UGT1A8: variants seen among roughly 807,000 people sequenced by gnomAD.
The protein encoded by UGT1A8 is UDP glucuronosyltransferase family 1 member A8.
A neutral mutation model predicts 45.3 loss-of-function variants in UGT1A8; 39 were observed. That is an observed-to-expected ratio of 0.86 (90% CI 0.67 to 1.12). The LOEUF (loss-of-function observed/expected upper bound fraction) is 1.12, where lower values mean the gene tolerates loss of function less well. Ranked by LOEUF, UGT1A8 falls within the 50% of genes most tolerant of loss-of-function variation. The pLI, the probability that UGT1A8 is intolerant of heterozygous loss-of-function variation, is 0.00. For synonymous variants in UGT1A8, 275 were observed against 249.2 expected (o/e 1.10, Z -0.97); for missense variants, 719 against 664.9 (o/e 1.08, Z -0.90).
intron 1 of UGT1A8, among the ~76,000 whole-genome samples, chr2:233,630,808 A>G (rs2073172688): frequency 1.3e-5 from 2 of 149,262 alleles, no homozygotes; most frequent in Non-Finnish European, 3.0e-5. Context: ...ATGGTAGCAC[A>G]TACTTTTTTT....
chr2:233,618,675 T>C, intron 1 of UGT1A8, 113 bp downstream of exon 1: 1 of 1,510,520 alleles, frequency 6.6e-7, no homozygotes, highest in Non-Finnish European at 8.8e-7. Context: ...CAAATTTCTT[T>C]CCAGTTTAAC....
At chr2:233,642,511 G>A (rs999080122) in intron 1 of UGT1A8, among the ~76,000 whole-genome samples, 3 of 152,180 alleles carry the variant, frequency 2.0e-5, no homozygotes, top group Non-Finnish European at 4.4e-5. Context: ...TCCAGCGTTA[G>A]TCCCTGGCAC....
intron 1 of UGT1A8, among the ~76,000 whole-genome samples, chr2:233,754,056 T>C (rs963446161): frequency 1.3e-5 from 2 of 152,238 alleles, no homozygotes; most frequent in Non-Finnish European, 2.9e-5. Context: ...TTTACCTGCT[T>C]TTATAAAGCC....
At chr2:233,724,564 C>T (rs1389770711) in intron 1 of UGT1A8, among the ~76,000 whole-genome samples, 17 of 122,772 alleles carry the variant, frequency 1.4e-4, no homozygotes, top group African/African-American at 2.4e-4. Flanking sequence ...CCAGATGGGG[C>T]GGCGGGGCAG....
chr2:233,660,080 G>T (rs1250853298), intron 1 of UGT1A8, among the ~76,000 whole-genome samples: 1 of 152,102 alleles, frequency 6.6e-6, no homozygotes, highest in Non-Finnish European at 1.5e-5. Flanking sequence ...TCCCTTGATT[G>T]GCTCTGTTTT....
At chr2:233,679,476 C>G (rs1288622624) in intron 1 of UGT1A8, among the ~76,000 whole-genome samples, 1 of 152,198 alleles carries the variant, frequency 6.6e-6, no homozygotes, top group Non-Finnish European at 1.5e-5. Context: ...GTAGAGTTAG[C>G]CTATCCCTTC....
intron 1 of UGT1A8, among the ~76,000 whole-genome samples, chr2:233,623,236 A>T (rs900991864): frequency 6.6e-6 from 1 of 152,168 alleles, no homozygotes; most frequent in African/African-American, 2.4e-5. Context: ...TATGAAATTT[A>T]AAGTAGTTTT....
intron 1 of UGT1A8, chr2:233,756,082 A>G (rs549873303): frequency 1.3e-5 from 2 of 152,358 alleles, no homozygotes; most frequent in African/African-American, 4.8e-5. Flanking sequence ...CAATGAGAAA[A>G]TCAAGTAACA....
chr2:233,672,186 G>A, intron 1 of UGT1A8: 1 of 1,614,184 alleles, frequency 6.2e-7, no homozygotes. Flanking sequence ...ATACCCTGGA[G>A]GATCTGGACC....
chr2:233,744,098 G>A, intron 1 of UGT1A8: 1 of 409,610 alleles, frequency 2.4e-6, no homozygotes, highest in South Asian at 2.0e-5. Flanking sequence ...AGTGCTTCTG[G>A]GACTGGCCCT....
At chr2:233,758,574 A>G (rs1051442664) in intron 1 of UGT1A8, among the ~76,000 whole-genome samples, 1 of 152,190 alleles carries the variant, frequency 6.6e-6, no homozygotes, top group Non-Finnish European at 1.5e-5. Flanking sequence ...CTAAAAAATG[A>G]AGAGTGTTTG....
At chr2:233,713,052 A>G in intron 1 of UGT1A8, 1 of 1,614,106 alleles carries the variant, frequency 6.2e-7, no homozygotes, top group Non-Finnish European at 8.5e-7. Flanking sequence ...GCTTCTCCTC[A>G]GTGTCCAGCC....
intron 4 of UGT1A8, 66 bp downstream of exon 4, chr2:233,768,505 A>G (rs1285600562): frequency 6.4e-7 from 1 of 1,563,990 alleles, no homozygotes; most frequent in Non-Finnish European, 8.7e-7. Flanking sequence ...TTCAAATATG[A>G]AAACATTTAC....
intron 1 of UGT1A8, among the ~76,000 whole-genome samples, chr2:233,686,574 G>C (rs1214376741): frequency 6.6e-6 from 1 of 152,022 alleles, no homozygotes; most frequent in Non-Finnish European, 1.5e-5. Flanking sequence ...TCAGAAGTTA[G>C]TGTGGATTAC....
intron 1 of UGT1A8, among the ~76,000 whole-genome samples, chr2:233,657,302 A>G (rs1042973913): frequency 2.6e-5 from 4 of 152,152 alleles, no homozygotes; most frequent in African/African-American, 9.7e-5. Context: ...TGGGTAATGT[A>G]TAAGGAAGAG....
At position 233,618,212 on chromosome 2, in the gene UGT1A8, G is replaced by A. The variant is rs549093448; in HGVS notation, c.505G>A (p.Ala169Thr). 71 of 1,613,836 alleles carry A rather than the reference G, an allele frequency of 4.4e-5. No homozygotes were observed. Among genetic ancestry groups the A allele is most frequent in the African/African-American group, 5.3e-5 (4 of 74,942 alleles). ...KYFSLPSVVF[A>T]RGIACHYLEE... Reference sequence around the variant, plus strand: ...TTTCTCCCTCCCCTCTGTGGTCTTCGCCAGGGGAATAGCTTGCCACTATCT... The same window carrying A: ...TTTCTCCCTCCCCTCTGTGGTCTTCACCAGGGGAATAGCTTGCCACTATCT... The change falls in exon 1 of 5, where the codon GCC (alanine) becomes ACC (threonine). Residue 169 changes from alanine (A) to threonine (T), a missense_variant. Physicochemically the swap from Ala to Thr is moderately conservative, Grantham distance 58 (BLOSUM62 0). Coordinates refer to ENST00000373450, the MANE Select transcript of UGT1A8 (RefSeq NM_019076.5).
chr2:233,710,441 T>C (rs568926544), intron 1 of UGT1A8, among the ~76,000 whole-genome samples: 1 of 152,376 alleles, frequency 6.6e-6, no homozygotes, highest in African/African-American at 2.4e-5. Flanking sequence ...TTTTAGTCTT[T>C]TACATTTTAG....
intron 1 of UGT1A8, among the ~76,000 whole-genome samples, chr2:233,620,618 A>G (rs1039240503): frequency 1.3e-5 from 2 of 152,224 alleles, no homozygotes; most frequent in Non-Finnish European, 2.9e-5. Flanking sequence ...ATTAAAGAAT[A>G]TATATGTATG....
intron 1 of UGT1A8, among the ~76,000 whole-genome samples, chr2:233,624,979 G>T (rs915133953): frequency 6.6e-6 from 1 of 152,002 alleles, no homozygotes. Context: ...GAATGAAGGG[G>T]ACCAACCCGT....
Sources: allele counts gnomAD v4.1 joint callset (sites outside exome capture counted in the v4.1 genomes callset), GRCh38; gene constraint gnomAD v4.1.1; transcripts MANE v1.5; gene names NCBI Gene and HGNC (gene_info 2026-07-23, HGNC 2026-07-21).